The following WDR59 variants were observed in gnomAD, a reference collection of about 807,000 sequenced individuals.
The protein encoded by WDR59 is WD repeat domain 59.
WDR59 carries 100 observed loss-of-function variants against 131.2 expected under a neutral mutation model. That is an observed-to-expected ratio of 0.76 (90% CI 0.65 to 0.90). The LOEUF is 0.90. WDR59 is among the 40% of genes least tolerant of loss of function. WDR59 has a pLI of 0.00. For synonymous variants in WDR59, 601 were observed against 466.2 expected (o/e 1.29, Z -3.72); for missense variants, 1,203 against 1,262.2 (o/e 0.95, Z 0.71).
At chr16:74,886,884 T>C (rs987106204) in intron 23 of WDR59, among the ~76,000 whole-genome samples, 5 of 152,016 alleles carry the variant, frequency 3.3e-5, no homozygotes, top group African/African-American at 9.7e-5. Flanking sequence ...GATCATGCCA[T>C]TGCACTCCAG....
intron 1 of WDR59, among the ~76,000 whole-genome samples, chr16:74,970,268 G>T (rs553723245): frequency 1.9e-4 from 29 of 152,106 alleles, no homozygotes; most frequent in African/African-American, 6.3e-4. Context: ...TTTTCTAGCA[G>T]TACCATGCTG....
In WDR59 at chr16:74,885,807, T is replaced by A. The variant is rs8052054; in HGVS notation, c.2547-12A>T. ...CGGGGTCCAGGAGCCTGGATAAAGT[T>A]AAAAAGATTTCCTGTCAGTTCCTTT... On this transcript the variant is annotated splice_polypyrimidine_tract_variant and intron_variant, in intron 24 of 25. Transcript: ENST00000262144. The A allele has an allele frequency of 1.2e-6, 2 of 1,607,952 alleles. No individual in the cohort carries two copies. Among genetic ancestry groups the A allele is most frequent in the Non-Finnish European group, 1.7e-6 (2 of 1,178,520 alleles).
At position 74,909,628 on chromosome 16, in the gene WDR59, C is replaced by A. The variant is rs564734002; in HGVS notation, c.1515G>T (p.Pro505=). The A allele has an allele frequency of 2.5e-6, 4 of 1,586,926 alleles. No individual in the cohort carries two copies. Among genetic ancestry groups the A allele is most frequent in the African/African-American group, 1.4e-5 (1 of 73,280 alleles). Residue 505 remains proline (P), a synonymous_variant, in exon 16 of 26, where the codon CCG becomes CCT. Transcript: ENST00000262144. ...VNQEDSASSN[P]FALPNSVTPP... is the part of the protein sequence containing the mutation. Reference sequence around the variant, plus strand: ...GAGTGACAGAGTTGGGGAGTGCAAACGGGTTGCTGGAAGCGCTGTCTTCCT... The same window carrying A: ...GAGTGACAGAGTTGGGGAGTGCAAAAGGGTTGCTGGAAGCGCTGTCTTCCT...
In WDR59 at chr16:74,906,377, G is replaced by A. The variant is rs147942117; in HGVS notation, c.1713-2277C>T. 2.6e-4 allele frequency among the ~76,000 whole-genome samples: 39 copies of A among 149,238 alleles called. No individual in the cohort carries two copies. In the East Asian group the frequency reaches 5.1e-3, roughly 20 times the overall value. On this transcript the variant is annotated intron_variant, in intron 17 of 25. Coordinates refer to ENST00000262144, the MANE Select transcript of WDR59 (RefSeq NM_030581.4). Reference sequence around the variant, plus strand: ...ACAACAGAATGGCTAAAGTTGAAAGGACTAGCAATACCAAGTTTTGGAGTG... The same window carrying A: ...ACAACAGAATGGCTAAAGTTGAAAGAACTAGCAATACCAAGTTTTGGAGTG...
At chr16:74,889,668 A>T in intron 21 of WDR59, 35 bp downstream of exon 21, 1 of 1,549,972 alleles carries the variant, frequency 6.5e-7, no homozygotes, top group African/African-American at 1.4e-5. Flanking sequence ...AATGGACATC[A>T]CTCATTTTTC....
chr16:74,949,330 CAAAAAA>C (rs550013099), intron 5 of WDR59, among the ~76,000 whole-genome samples: 5 of 42,618 alleles, frequency 1.2e-4, no homozygotes, highest in Non-Finnish European at 2.7e-4. Flanking sequence ...TACCTTGTCT[CAAAAAA>C]AAAAAAAAAA....
rs569452853 is a variant in WDR59 at position 74,951,400 on chromosome 16, T to C, written c.326+58A>G. 437 of 1,506,132 alleles carry C rather than the reference T, an allele frequency of 2.9e-4. 6 individuals carry two copies. The South Asian group carries it at 4.6e-3, about 16-fold the overall frequency. 93.3% of individuals were successfully genotyped at this position (1,506,132 alleles called of 1,614,324 possible). A position where few individuals can be genotyped will look rare whatever the true frequency, so the allele number is the denominator to read the frequency against. On this transcript the variant is annotated intron_variant, in intron 4 of 25. Coordinates refer to ENST00000262144, the MANE Select transcript of WDR59 (RefSeq NM_030581.4). The stretch of plus-strand genomic sequence containing the variant: ...AAGGAGGACGGCATCATCATTTCGT[T>C]CCCAGGGGACTGTGACAAAGCAAGA...
intron 8 of WDR59, among the ~76,000 whole-genome samples, chr16:74,936,307 C>G (rs1020565223): frequency 2.6e-5 from 4 of 151,796 alleles, no homozygotes; most frequent in Admixed American, 1.3e-4. Context: ...TTCTCTTTGT[C>G]TATATAGATA....
chr16:74,942,207 G>A (rs559205896), intron 7 of WDR59, among the ~76,000 whole-genome samples: 1 of 152,262 alleles, frequency 6.6e-6, no homozygotes, highest in East Asian at 1.9e-4. Context: ...TGAGTGATAT[G>A]CACAATACTT....
At position 74,983,523 on chromosome 16, in the gene WDR59, T is replaced by A. The variant is rs150778894; in HGVS notation, c.54+1441A>T. ...ATTGAAGAGAATCACCAAGACACTG[T>A]CCTAGGTGCTGGGGAAGAGGGGATG... On this transcript the variant is annotated intron_variant, in intron 1 of 25. Coordinates refer to ENST00000262144, the MANE Select transcript of WDR59 (RefSeq NM_030581.4). Among the ~76,000 whole-genome samples the A allele has an allele frequency of 4.0e-3, 602 of 152,114 alleles. 2 individuals carry two copies. Among genetic ancestry groups the A allele is most frequent in the African/African-American group, 0.014 (566 of 41,502 alleles).
rs774980727 is a variant in WDR59 at position 74,887,676 on chromosome 16, T to A, written c.2419+7A>T. 3.1e-6 allele frequency: 5 copies of A among 1,613,914 alleles called. No individual in the cohort carries two copies. The highest frequency in any genetic ancestry group is 4.2e-6 in the Non-Finnish European group (5 of 1,179,952). ...TCCAGCGTGGGCTAAGTCATTTCCA[T>A]ACAAACCTATGTTCCAGCCGCCAGT... On this transcript the variant is annotated splice_region_variant and intron_variant, in intron 23 of 25. Transcript: ENST00000262144.
chr16:74,938,051 C>T (rs2031942481), intron 8 of WDR59, 99 bp downstream of exon 8: 2 of 776,130 alleles, frequency 2.6e-6, no homozygotes, highest in East Asian at 3.0e-5. Flanking sequence ...GAAATACATA[C>T]TGTGCTAACA....
chr16:74,929,189 C>G (rs945818911), intron 8 of WDR59, among the ~76,000 whole-genome samples: 1 of 152,186 alleles, frequency 6.6e-6, no homozygotes, highest in African/African-American at 2.4e-5. Context: ...ATTCTCCTGC[C>G]TCAGCCTTCC....
chr16:74,969,131 TG>T (rs1373538162), intron 1 of WDR59, among the ~76,000 whole-genome samples: 1 of 152,172 alleles, frequency 6.6e-6, no homozygotes, highest in African/African-American at 2.4e-5. Context: ...AGCCCTGCAA[TG>T]ACTGAGATAG....
At chr16:74,970,495 CAAAAAAAAAAAAAAAAA>C (rs746574195) in intron 1 of WDR59, among the ~76,000 whole-genome samples, 6 of 33,446 alleles carry the variant, frequency 1.8e-4, no homozygotes, top group Non-Finnish European at 2.5e-4. Context: ...ACTCTGTCTC[CAAAAAAAAAAAAAAAAA>C]AAAAAAAAAA....
chr16:74,983,283 G>A (rs912827474), intron 1 of WDR59, among the ~76,000 whole-genome samples: 2 of 152,000 alleles, frequency 1.3e-5, no homozygotes, highest in African/African-American at 4.8e-5. Flanking sequence ...GACCAGCCTG[G>A]CCAACAGAGC....
In WDR59 at chr16:74,956,571, G is replaced by A. The variant is rs376568315; in HGVS notation, c.144C>T (p.Phe48=). Reference sequence around the variant, plus strand: ...GGCGAGAGATCTTTCGGTGACCTTCGAAAGGGGCATCTAGATTGACGATGT... The same window carrying A: ...GGCGAGAGATCTTTCGGTGACCTTCAAAAGGGGCATCTAGATTGACGATGT... ...FLYIVNLDAP[F]EGHRKISRQS... The change falls in exon 3 of 26, where the codon TTC becomes TTT. Residue 48 remains phenylalanine, a synonymous_variant. Coordinates refer to ENST00000262144, the MANE Select transcript of WDR59 (RefSeq NM_030581.4). 5.0e-5 allele frequency: 80 copies of A among 1,613,922 alleles called. No homozygotes were observed. Among genetic ancestry groups the A allele is most frequent in the East Asian group, 3.3e-4 (15 of 44,890 alleles).
rs1450266266 is a variant in WDR59, at chr16:74,938,262, G to A, written c.539C>T (p.Pro180Leu). The change falls in exon 8 of 26, where the codon CCC becomes CTC. Residue 180 changes from proline to leucine, a missense_variant. Coordinates refer to ENST00000262144, the MANE Select transcript of WDR59 (RefSeq NM_030581.4). ...GGCTAGATATTCCACTGCTGTACTGGGTTTCTGCAACAGATCAGCACCTAA... is the reference window on the plus strand; with the variant it reads ...GGCTAGATATTCCACTGCTGTACTGAGTTTCTGCAACAGATCAGCACCTAA... ...GDVRIWDKRKPSTAVEYLAAH... is the reference protein window; with the variant it reads ...GDVRIWDKRKLSTAVEYLAAH... The A allele has an allele frequency of 6.5e-7, 1 of 1,527,802 alleles. No homozygotes were observed. Among genetic ancestry groups the A allele is most frequent in the Non-Finnish European group, 8.8e-7 (1 of 1,136,272 alleles). The allele number at this position is 1,527,802 out of a possible 1,614,324, so 94.6% of individuals were successfully genotyped here. A position where few individuals can be genotyped will look rare whatever the true frequency, so the allele number is the denominator to read the frequency against.
At chr16:74,974,687 T>C (rs1444753657) in intron 1 of WDR59, among the ~76,000 whole-genome samples, 1 of 152,178 alleles carries the variant, frequency 6.6e-6, no homozygotes, top group Non-Finnish European at 1.5e-5. Context: ...GTGCCTACTT[T>C]CCTTCTGAAG....
Sources: gnomAD v4.1 joint callset for allele counts (sites outside exome capture counted in the v4.1 genomes callset) on GRCh38, gnomAD v4.1.1 for gene constraint, MANE v1.5 for transcripts, NCBI Gene and HGNC (gene_info 2026-07-23, HGNC 2026-07-21) for gene names.